PDXDC1: variants seen among roughly 807,000 people sequenced by gnomAD.
The protein encoded by PDXDC1 is pyridoxal dependent decarboxylase domain containing 1, also known as pyridoxal-dependent decarboxylase domain-containing protein 1.
A neutral mutation model predicts 100.1 loss-of-function variants in PDXDC1; 42 were observed. The observed-to-expected ratio is 0.42, with a 90% confidence interval of 0.33 to 0.54. PDXDC1 has a LOEUF of 0.54. PDXDC1 is among the 20% of genes least tolerant of loss of function. The pLI, the probability that PDXDC1 is intolerant of heterozygous loss-of-function variation, is 0.10. For synonymous variants in PDXDC1, 260 were observed against 371.7 expected (o/e 0.70, Z 3.46); for missense variants, 636 against 979.2 (o/e 0.65, Z 4.68).
At chr16:15,127,521 G>C (rs763924113) in intron 16 of PDXDC1, 2 of 1,514,804 alleles carry the variant, frequency 1.3e-6, no homozygotes, top group East Asian at 4.7e-5. Flanking sequence ...AGACGGGATA[G>C]ACAACCACGC....
At chr16:15,059,452 T>C (rs552138515) in intron 16 of PDXDC1, among the ~76,000 whole-genome samples, 4 of 152,182 alleles carry the variant, frequency 2.6e-5, no homozygotes, top group Non-Finnish European at 5.9e-5. Context: ...ATGCATCGAA[T>C]CCTTAAAGCC....
rs535043220 is a variant in PDXDC1, at chr16:15,056,723, T to C, written c.1399+26667T>C. On this transcript the variant is annotated intron_variant, in intron 16 of 16. Transcript: ENST00000535621. ...CGGGAGGATCTCTTGACCCCAGGAGTGGGAGGCTGCAATGAGCTATGTTTG... is the reference window on the plus strand; with the variant it reads ...CGGGAGGATCTCTTGACCCCAGGAGCGGGAGGCTGCAATGAGCTATGTTTG... Among the ~76,000 whole-genome samples, 4 of 151,732 alleles carry C rather than the reference T, an allele frequency of 2.6e-5. No homozygotes were observed. The East Asian group carries it at 5.8e-4, about 22-fold the overall frequency.
At position 14,986,050 on chromosome 16, in the gene PDXDC1, A is replaced by G. The variant is rs1477897958; in HGVS notation, c.21+10830A>G. ...CAGGAACTCAAGGCTGCAGCCAGCT[A>G]TGATCACGCCACTGTGACAGCCTGG... On this transcript the variant is annotated intron_variant, in intron 1 of 22. Coordinates refer to ENST00000396410, the MANE Select transcript of PDXDC1 (RefSeq NM_015027.4). 5.9e-5 allele frequency among the ~76,000 whole-genome samples: 9 copies of G among 152,280 alleles called. No homozygotes were observed. In the South Asian group the frequency reaches 1.0e-3, roughly 18 times the overall value.
chr16:15,134,300 C>G, intron 16 of PDXDC1: 1 of 692,016 alleles, frequency 1.4e-6, no homozygotes, highest in Non-Finnish European at 2.6e-6. Context: ...TTGCAGGACA[C>G]ACACTCCAAG....
At chr16:15,039,058 A>G (rs747804530), downstream of PDXDC1, among the ~76,000 whole-genome samples, 2 of 152,176 alleles carry the variant, frequency 1.3e-5, no homozygotes, top group Non-Finnish European at 2.9e-5. Flanking sequence ...CCATTGCCTC[A>G]TTATTTATAC....
At chr16:15,126,066 G>C (rs533163748) in intron 16 of PDXDC1, 1 of 531,132 alleles carries the variant, frequency 1.9e-6, no homozygotes, top group South Asian at 2.1e-5. Context: ...ATGGAGTCTC[G>C]CTCTGTCACC....
intron 16 of PDXDC1, among the ~76,000 whole-genome samples, chr16:15,111,756 C>CGA (rs2047076987): frequency 1.7e-5 from 1 of 58,604 alleles, no homozygotes; most frequent in Non-Finnish European, 3.0e-5. Flanking sequence ...GACTCCGTCT[C>CGA]AAAAAAAAAA....
rs888289235 is a variant in PDXDC1, at chr16:15,049,758, G to T, written c.1399+19702G>T. On this transcript the variant is annotated intron_variant, in intron 16 of 16. Coordinates refer to the PDXDC1 transcript ENST00000535621. Reference sequence around the variant, plus strand: ...AATTTGTAATGGCAAAAAGCTGGGAGCAGCAATGGAAAAGGTAAGTAAATT... The same window carrying T: ...AATTTGTAATGGCAAAAAGCTGGGATCAGCAATGGAAAAGGTAAGTAAATT... Among the ~76,000 whole-genome samples the T allele has an allele frequency of 5.9e-5, 9 of 152,286 alleles. No individual in the cohort carries two copies. The East Asian group carries it at 1.7e-3, about 29-fold the overall frequency.
At chr16:14,980,311 T>C (rs1278156217) in intron 1 of PDXDC1, among the ~76,000 whole-genome samples, 1 of 152,280 alleles carries the variant, frequency 6.6e-6, no homozygotes, top group African/African-American at 2.4e-5. Flanking sequence ...ATTTTTTTTT[T>C]TTGAGACGGA....
downstream of PDXDC1, among the ~76,000 whole-genome samples, chr16:15,140,132 GGA>G (rs1018092043): frequency 6.7e-6 from 1 of 149,284 alleles, no homozygotes. Context: ...AAGAAAGGGA[GGA>G]GAGAGAGAAG....
intron 1 of PDXDC1, among the ~76,000 whole-genome samples, chr16:14,984,452 A>T (rs71388758): frequency 0.27 from 22,472 of 84,672 alleles, 1,427 homozygotes; most frequent in African/African-American, 0.42. Flanking sequence ...AGAGAGAGAG[A>T]GAGTGTGTGT....
chr16:15,124,722 A>G (rs914167034), intron 16 of PDXDC1, among the ~76,000 whole-genome samples: 2 of 151,980 alleles, frequency 1.3e-5, no homozygotes, highest in African/African-American at 4.8e-5. Flanking sequence ...CAGTGAGCCG[A>G]GATTGCACCA....
Position 15,017,332 on chromosome 16 carries a change from A to T in PDXDC1, c.873A>T (p.Lys291Asn), listed in dbSNP as rs2050742780. The change falls in exon 11 of 23, where the codon AAA becomes AAT. Residue 291 changes from lysine to asparagine, a missense_variant. Physicochemically the swap from Lys to Asn is moderately conservative, Grantham distance 94 (BLOSUM62 0). Coordinates refer to ENST00000396410, the MANE Select transcript of PDXDC1 (RefSeq NM_015027.4). Reference protein sequence around the residue: ...YVSSSVLAAAKCDSMTMTPGP... With the variant: ...YVSSSVLAAANCDSMTMTPGP... ...TCTTGTTTTGGTAGGCTGCAGCCAA[A>T]TGTGATAGCATGACGATGACTCCTG... is the stretch of plus-strand genomic sequence containing the variant. The T allele has an allele frequency of 6.2e-7, 1 of 1,611,852 alleles. No individual in the cohort carries two copies. The highest frequency in any genetic ancestry group is 8.5e-7 in the Non-Finnish European group (1 of 1,178,420).
chr16:15,129,464 A>T (rs934046707), intron 16 of PDXDC1, among the ~76,000 whole-genome samples: 1 of 152,232 alleles, frequency 6.6e-6, no homozygotes, highest in African/African-American at 2.4e-5. Flanking sequence ...GAAAACAAAA[A>T]GGGAATGCCA....
intron 1 of PDXDC1, chr16:14,996,490 G>A (rs1972005526): frequency 5.1e-6 from 1 of 195,206 alleles, no homozygotes; most frequent in South Asian, 1.1e-4. Flanking sequence ...ATACTACATA[G>A]AGATTGAAGT....
chr16:15,076,434 G>A (rs557304178), intron 16 of PDXDC1: 268 of 739,394 alleles, frequency 3.6e-4, no homozygotes, highest in South Asian at 6.5e-4. Flanking sequence ...ATAAGGAATC[G>A]TTTTCAAGTT....
intron 16 of PDXDC1, among the ~76,000 whole-genome samples, chr16:15,136,286 C>T (rs1330875430): frequency 1.3e-5 from 2 of 152,302 alleles, no homozygotes; most frequent in East Asian, 3.9e-4. Flanking sequence ...CCCAGGCTCA[C>T]AGCAGCACCC....
the PDXDC1 span, among the ~76,000 whole-genome samples, chr16:15,151,552 AT>A: frequency 9.0e-6 from 1 of 110,946 alleles, no homozygotes; most frequent in African/African-American, 2.9e-5. Context: ...GCATGAAGGA[AT>A]TGTCTGTTGT....
At chr16:15,042,907 T>TTC (rs1410966689), downstream of PDXDC1, among the ~76,000 whole-genome samples, 2 of 150,464 alleles carry the variant, frequency 1.3e-5, no homozygotes, top group African/African-American at 4.9e-5. Context: ...TAATTTTTTT[T>TTC]TTTTTTTTTT....
Sources: allele counts gnomAD v4.1 joint callset (sites outside exome capture counted in the v4.1 genomes callset), GRCh38; gene constraint gnomAD v4.1.1; transcripts MANE v1.5; gene names NCBI Gene and HGNC (gene_info 2026-07-23, HGNC 2026-07-21).